Variants in AGK observed in about 807,000 individuals in gnomAD.
The protein encoded by AGK is acylglycerol kinase.
Under a neutral mutation model 66.4 loss-of-function variants are expected in AGK, and 52 were observed. The observed-to-expected ratio is 0.78, with a 90% CI of 0.63 to 0.99. The LOEUF (loss-of-function observed/expected upper bound fraction) is 0.99, where lower values mean the gene tolerates loss of function less well. Among genes scored for constraint, AGK ranks in the 50% least tolerant of loss-of-function variants. The pLI is 0.00. For missense variants in AGK, 451 were observed against 506.6 expected, an observed-to-expected ratio of 0.89 and a Z score of 1.05; for synonymous variants, 182 against 181.1, an observed-to-expected ratio of 1.00 and a Z score of -0.04.
At chr7:141,570,190 A>C (rs547077965) in intron 2 of AGK, among the ~76,000 whole-genome samples, 2 of 152,232 alleles carry the variant, frequency 1.3e-5, no homozygotes, top group South Asian at 4.1e-4. Context: ...GTTTGAGACC[A>C]GCCTGGCCAA....
chr7:141,628,335 C>T (rs1347044208), intron 9 of AGK, among the ~76,000 whole-genome samples: 14 of 152,112 alleles, frequency 9.2e-5, no homozygotes, highest in Admixed American at 6.6e-5. Flanking sequence ...TCCTAGAAAA[C>T]GTGGTACAAC....
At chr7:141,643,654 G>A (rs1797339827) in intron 13 of AGK, among the ~76,000 whole-genome samples, 1 of 151,976 alleles carries the variant, frequency 6.6e-6, no homozygotes, top group Non-Finnish European at 1.5e-5. Flanking sequence ...AAAGAAATAA[G>A]CATATGAAAA....
chr7:141,610,001 C>T (rs1796548223), intron 5 of AGK, among the ~76,000 whole-genome samples: 1 of 150,088 alleles, frequency 6.7e-6, no homozygotes, highest in Non-Finnish European at 1.5e-5. Flanking sequence ...CAGAGTCTTG[C>T]TCTGTCGCCC....
intron 9 of AGK, among the ~76,000 whole-genome samples, chr7:141,626,582 G>A (rs1213724906): frequency 3.9e-5 from 6 of 152,146 alleles, no homozygotes; most frequent in African/African-American, 1.4e-4. Context: ...TACTGAGAAG[G>A]CTATAACATC....
chr7:141,651,458 C>A (rs1053679377), intron 14 of AGK, 67 bp from the exon 15 acceptor site: 12 of 1,337,798 alleles, frequency 9.0e-6, no homozygotes, highest in Middle Eastern at 3.6e-4. Context: ...AAAGAAGTTG[C>A]TACATTGTTG....
chr7:141,561,749 T>C (rs995165280), intron 2 of AGK, among the ~76,000 whole-genome samples: 2 of 152,080 alleles, frequency 1.3e-5, no homozygotes, highest in Admixed American at 1.3e-4. Flanking sequence ...CTTTCCCTAC[T>C]GTGTCCAGTG....
chr7:141,641,181 G>A, intron 11 of AGK, 67 bp from the exon 12 acceptor site: 1 of 1,468,498 alleles, frequency 6.8e-7, no homozygotes, highest in Non-Finnish European at 9.3e-7. Flanking sequence ...AATAACTTTT[G>A]CAGAGAGAAA....
intron 2 of AGK, among the ~76,000 whole-genome samples, chr7:141,565,338 C>T (rs756083508): frequency 2.6e-5 from 4 of 152,108 alleles, no homozygotes; most frequent in Non-Finnish European, 4.4e-5. Flanking sequence ...GTAATTGGTA[C>T]CACTCACCAT....
chr7:141,584,055 A>G (rs780909228), intron 2 of AGK, among the ~76,000 whole-genome samples: 28 of 152,086 alleles, frequency 1.8e-4, no homozygotes, highest in Non-Finnish European at 3.8e-4. Flanking sequence ...ACTCGTGTCC[A>G]TGTGAAGAGA....
chr7:141,602,073 A>G (rs34554400), intron 5 of AGK, among the ~76,000 whole-genome samples: 14,288 of 152,046 alleles, frequency 0.094, 1,482 homozygotes, highest in African/African-American at 0.26. Flanking sequence ...TGAGAGACCC[A>G]AGTATGGTTA....
intron 14 of AGK, 69 bp downstream of exon 14, chr7:141,649,402 C>CA: frequency 8.5e-7 from 1 of 1,175,638 alleles, no homozygotes; most frequent in Non-Finnish European, 1.3e-6. Flanking sequence ...CAGAGTGCCC[C>CA]ATGAAGTCTA....
At chr7:141,634,189 C>T (rs1797119932) in intron 10 of AGK, among the ~76,000 whole-genome samples, 1 of 152,174 alleles carries the variant, frequency 6.6e-6, no homozygotes, top group Non-Finnish European at 1.5e-5. Flanking sequence ...GCTTCCTCAA[C>T]ACTAGCTGGG....
intron 11 of AGK, among the ~76,000 whole-genome samples, chr7:141,639,469 G>C (rs778610047): frequency 2.6e-5 from 4 of 152,290 alleles, no homozygotes; most frequent in Admixed American, 2.6e-4. Context: ...ATCCAAGAGC[G>C]GGTAGAAGGG....
intron 9 of AGK, among the ~76,000 whole-genome samples, chr7:141,632,605 G>C (rs990321693): frequency 3.3e-5 from 5 of 152,178 alleles, no homozygotes; most frequent in African/African-American, 1.2e-4. Flanking sequence ...TAGGCTCTTA[G>C]ATGGGGCATT....
At chr7:141,594,822 T>G (rs2116924548) in intron 3 of AGK, among the ~76,000 whole-genome samples, 1 of 152,232 alleles carries the variant, frequency 6.6e-6, no homozygotes, top group Non-Finnish European at 1.5e-5. Flanking sequence ...CTGGCTAATT[T>G]TTGTATTTTT....
chr7:141,608,034 A>C (rs997307004), intron 5 of AGK, among the ~76,000 whole-genome samples: 14 of 152,092 alleles, frequency 9.2e-5, no homozygotes, highest in African/African-American at 2.7e-4. Context: ...ACAAATATTT[A>C]TTTAGTGCCC....
At chr7:141,638,835 G>A (rs1200509176) in intron 11 of AGK, among the ~76,000 whole-genome samples, 2 of 152,136 alleles carry the variant, frequency 1.3e-5, no homozygotes, top group Non-Finnish European at 2.9e-5. Flanking sequence ...CATACCTGTG[G>A]TACAGACAAG....
At chr7:141,618,337 T>A (rs1796750457) in intron 8 of AGK, among the ~76,000 whole-genome samples, 1 of 152,228 alleles carries the variant, frequency 6.6e-6, no homozygotes, top group African/African-American at 2.4e-5. Context: ...GGCTCTGTCC[T>A]CTTGGTAATT....
At chr7:141,591,903 T>C (rs939952523) in intron 2 of AGK, among the ~76,000 whole-genome samples, 1 of 152,190 alleles carries the variant, frequency 6.6e-6, no homozygotes, top group Non-Finnish European at 1.5e-5. Context: ...TTAGAGACCT[T>C]GACGTTAAAT....
Sources: gnomAD v4.1 joint callset for allele counts (sites outside exome capture counted in the v4.1 genomes callset) on GRCh38, gnomAD v4.1.1 for gene constraint, MANE v1.5 for transcripts, NCBI Gene and HGNC (gene_info 2026-07-23, HGNC 2026-07-21) for gene names.